Variants in SPOCK3 observed in about 807,000 individuals in gnomAD.
SPOCK3 encodes the protein SPARC (osteonectin), cwcv and kazal like domains proteoglycan 3, also known as testican-3.
In SPOCK3, 30 loss-of-function variants were observed where a neutral mutation model predicts 56.6. The ratio of observed to expected loss-of-function variants is 0.53; its 90% CI spans 0.40 to 0.72. SPOCK3 has a LOEUF of 0.72. Ranked by LOEUF, SPOCK3 falls within the 30% of genes least tolerant of loss-of-function variation. The pLI is 0.00. For missense variants in SPOCK3, 527 were observed against 530.0 expected, an observed-to-expected ratio of 0.99 and a Z score of 0.06; for synonymous variants, 196 against 183.3, an observed-to-expected ratio of 1.07 and a Z score of -0.56.
At chr4:166,803,209 C>T (rs775765343) in intron 6 of SPOCK3, among the ~76,000 whole-genome samples, 15 of 152,088 alleles carry the variant, frequency 9.9e-5, no homozygotes, top group East Asian at 1.9e-4. Context: ...CTATAAATCA[C>T]GCAGTTTTAT....
At chr4:166,862,920 G>C (rs1390426504) in intron 6 of SPOCK3, among the ~76,000 whole-genome samples, 1 of 151,912 alleles carries the variant, frequency 6.6e-6, no homozygotes, top group Non-Finnish European at 1.5e-5. Flanking sequence ...ATACCACTAA[G>C]ATAATCCTCA....
At chr4:166,843,669 C>T (rs1747749754) in intron 6 of SPOCK3, among the ~76,000 whole-genome samples, 1 of 152,158 alleles carries the variant, frequency 6.6e-6, no homozygotes, top group Non-Finnish European at 1.5e-5. Context: ...CTTGTGAGTA[C>T]TCAAGCAAAG....
At chr4:166,945,913 T>C (rs551206959) in intron 4 of SPOCK3, among the ~76,000 whole-genome samples, 1 of 152,222 alleles carries the variant, frequency 6.6e-6, no homozygotes, top group Non-Finnish European at 1.5e-5. Context: ...TCTGCTCCAC[T>C]TAAAGCCTTC....
At chr4:166,773,876 G>T (rs1739231244) in intron 7 of SPOCK3, among the ~76,000 whole-genome samples, 1 of 151,846 alleles carries the variant, frequency 6.6e-6, no homozygotes, top group African/African-American at 2.4e-5. Context: ...GAACAAATGG[G>T]GCTTATAGGA....
intron 6 of SPOCK3, among the ~76,000 whole-genome samples, chr4:166,792,693 G>T (rs927084721): frequency 6.6e-5 from 10 of 152,016 alleles, no homozygotes; most frequent in Non-Finnish European, 1.3e-4. Context: ...CTTGTAAGAT[G>T]TCACAATTTA....
chr4:167,095,653 T>C (rs1004502026), intron 2 of SPOCK3, among the ~76,000 whole-genome samples: 16 of 151,808 alleles, frequency 1.1e-4, no homozygotes, highest in Non-Finnish European at 1.6e-4. Context: ...AAAAGGATAA[T>C]AAACAAATAG....
chr4:166,750,547 G>GAAAA (rs1560818689), intron 8 of SPOCK3, among the ~76,000 whole-genome samples: 13 of 151,264 alleles, frequency 8.6e-5, no homozygotes, highest in Non-Finnish European at 1.6e-4. Context: ...AAACCAGTAG[G>GAAAA]GAAGAATGAA....
At chr4:167,046,603 G>T (rs1478805866) in intron 3 of SPOCK3, among the ~76,000 whole-genome samples, 3 of 151,138 alleles carry the variant, frequency 2.0e-5, no homozygotes, top group Non-Finnish European at 3.0e-5. Flanking sequence ...CTACAGGTGT[G>T]CATCACCACA....
At chr4:167,071,067 TG>T (rs765441322) in intron 2 of SPOCK3, among the ~76,000 whole-genome samples, 7 of 151,950 alleles carry the variant, frequency 4.6e-5, no homozygotes, top group African/African-American at 9.7e-5. Flanking sequence ...ACAGTGCCAT[TG>T]GGACAATTCC....
At chr4:166,899,920 G>C (rs1275737889) in intron 5 of SPOCK3, among the ~76,000 whole-genome samples, 2 of 152,108 alleles carry the variant, frequency 1.3e-5, no homozygotes, top group Non-Finnish European at 2.9e-5. Context: ...CCAAAATGTA[G>C]GCCCAAAATC....
At chr4:167,125,456 G>T (rs1356240931) in intron 2 of SPOCK3, among the ~76,000 whole-genome samples, 2 of 149,852 alleles carry the variant, frequency 1.3e-5, no homozygotes, top group African/African-American at 4.9e-5. Flanking sequence ...GCTCACGCCT[G>T]TAATCCCAGC....
intron 6 of SPOCK3, among the ~76,000 whole-genome samples, chr4:166,830,130 T>C (rs143593279): frequency 3.0e-4 from 45 of 152,292 alleles, no homozygotes; most frequent in East Asian, 1.9e-3. Flanking sequence ...CCCTTTCTAC[T>C]CTATGGTTTG....
Position 166,733,890 on chromosome 4 carries a change from G to C in SPOCK3, c.*1031C>G, listed in dbSNP as rs62352805. On this transcript the variant is annotated 3_prime_UTR_variant, in exon 11 of 11. Coordinates refer to ENST00000357545, the MANE Select transcript of SPOCK3 (RefSeq NM_001040159.2). ...TTAATTAGGTGTGCTTATATATTGC[G>C]TAATATACTATATTGGTATGCATGC... The C allele has an allele frequency of 6.6e-6, 1 of 151,900 alleles. No individual in the cohort carries two copies. The highest frequency in any genetic ancestry group is 6.6e-5 in the Admixed American group (1 of 15,174). The allele number at this position is 151,900 out of a possible 1,614,324, so 9.4% of individuals were successfully genotyped here.
intron 6 of SPOCK3, 123 bp downstream of exon 6, chr4:166,889,007 T>C (rs974019894): frequency 1.5e-6 from 1 of 655,278 alleles, no homozygotes; most frequent in Non-Finnish European, 2.7e-6. Context: ...AATAAAAATA[T>C]AAATGATATT....
rs188525522 is a variant in SPOCK3, at chr4:166,749,542, C to T, written c.931+4966G>A. 4.5e-3 allele frequency among the ~76,000 whole-genome samples: 681 copies of T among 151,724 alleles called. 5 individuals carry two copies. The highest frequency in any genetic ancestry group is 0.012 in the African/African-American group (483 of 41,292). On this transcript the variant is annotated intron_variant, in intron 8 of 10. Transcript: ENST00000357545. Reference sequence around the variant, plus strand: ...TAGGAGAAATACCTATTGTAAATGACGAGTTTATGGGTGCAGCACACCAAC... The same window carrying T: ...TAGGAGAAATACCTATTGTAAATGATGAGTTTATGGGTGCAGCACACCAAC...
chr4:167,138,349 G>T (rs1467029598), intron 2 of SPOCK3, among the ~76,000 whole-genome samples: 1 of 151,834 alleles, frequency 6.6e-6, no homozygotes, highest in South Asian at 2.1e-4. Context: ...ACTGAAAAAG[G>T]TTATTCTTAT....
chr4:166,742,716 T>A (rs1349541289), intron 8 of SPOCK3, among the ~76,000 whole-genome samples: 1 of 152,300 alleles, frequency 6.6e-6, no homozygotes, highest in East Asian at 1.9e-4. Context: ...TAAGCTGTTA[T>A]TTTAAAAATA....
chr4:167,105,199 C>A (rs1759998759), intron 2 of SPOCK3, among the ~76,000 whole-genome samples: 1 of 151,402 alleles, frequency 6.6e-6, no homozygotes, highest in Non-Finnish European at 1.5e-5. Flanking sequence ...AGTAGAAAGA[C>A]TAAATGATGA....
At chr4:166,967,307 G>A (rs1264488913) in intron 4 of SPOCK3, among the ~76,000 whole-genome samples, 2 of 152,130 alleles carry the variant, frequency 1.3e-5, no homozygotes, top group African/African-American at 4.8e-5. Flanking sequence ...GAATATGTTT[G>A]TTTCATACAT....
Sources: allele counts gnomAD v4.1 joint callset (sites outside exome capture counted in the v4.1 genomes callset), GRCh38; gene constraint gnomAD v4.1.1; transcripts MANE v1.5; gene names NCBI Gene and HGNC (gene_info 2026-07-23, HGNC 2026-07-21).